MANEA: variants seen among roughly 807,000 people sequenced by gnomAD.
The protein encoded by MANEA is glycoprotein endo-alpha-1,2-mannosidase.
MANEA carries 25 observed loss-of-function variants against 36.8 expected under a neutral mutation model. The ratio of observed to expected loss-of-function variants is 0.68; its 90% confidence interval spans 0.50 to 0.95. MANEA has a LOEUF of 0.95. Among genes scored for constraint, MANEA ranks in the 40% least tolerant of loss-of-function variants. The pLI is 0.00. For synonymous variants in MANEA, 198 were observed against 188.5 expected, an observed-to-expected ratio of 1.05 and a Z score of -0.41; for missense variants, 565 against 558.8, an observed-to-expected ratio of 1.01 and a Z score of -0.11.
At chr6:95,598,785 A>G (rs2068017613) in intron 3 of MANEA, among the ~76,000 whole-genome samples, 6 of 152,158 alleles carry the variant, frequency 3.9e-5, no homozygotes, top group South Asian at 2.1e-4. Context: ...AAACTAAGAA[A>G]GGATAGAACA....
At chr6:95,602,469 A>AT (rs1052869074) in intron 3 of MANEA, among the ~76,000 whole-genome samples, 15 of 152,226 alleles carry the variant, frequency 9.9e-5, no homozygotes, top group African/African-American at 3.6e-4. Flanking sequence ...AAGTTATCAG[A>AT]TTTTCATTCA....
At position 95,587,981 on chromosome 6, in the gene MANEA, C is replaced by G. The variant is rs569725018; in HGVS notation, c.544+998C>G. On this transcript the variant is annotated intron_variant, in intron 2 of 4. Coordinates refer to ENST00000358812, the MANE Select transcript of MANEA (RefSeq NM_024641.4). ...TATAACTGTACCTTTTTACAATACG[C>G]CCCTTTAACTTAACTGATTCTTATT... 5.3e-5 allele frequency among the ~76,000 whole-genome samples: 8 copies of G among 151,844 alleles called. No individual in the cohort carries two copies. The South Asian group carries it at 1.7e-3, about 31-fold the overall frequency.
chr6:95,582,541 C>T (rs1769203377), intron 1 of MANEA, among the ~76,000 whole-genome samples: 1 of 152,180 alleles, frequency 6.6e-6, no homozygotes, highest in Non-Finnish European at 1.5e-5. Flanking sequence ...AGAAATTTCA[C>T]TTCACAGAGT....
intron 1 of MANEA, among the ~76,000 whole-genome samples, chr6:95,579,400 A>G (rs921607681): frequency 6.6e-6 from 1 of 152,110 alleles, no homozygotes; most frequent in African/African-American, 2.4e-5. Context: ...AACAAAAAAC[A>G]GAAACTAAAC....
intron 2 of MANEA, among the ~76,000 whole-genome samples, chr6:95,592,474 G>C (rs1769402220): frequency 6.6e-6 from 1 of 151,784 alleles, no homozygotes; most frequent in Non-Finnish European, 1.5e-5. Flanking sequence ...TCTGTACCTT[G>C]TAAAATTTTG....
At chr6:95,595,532 A>G (rs1286818321) in intron 2 of MANEA, among the ~76,000 whole-genome samples, 1 of 152,176 alleles carries the variant, frequency 6.6e-6, no homozygotes, top group Non-Finnish European at 1.5e-5. Context: ...CATGGCGGCT[A>G]GCACAAAACT....
chr6:95,590,835 A>T (rs1769374862), intron 2 of MANEA, among the ~76,000 whole-genome samples: 1 of 152,132 alleles, frequency 6.6e-6, no homozygotes, highest in Non-Finnish European at 1.5e-5. Context: ...TCCCTCCCAT[A>T]GTTTGCTATT....
At chr6:95,588,489 T>C (rs1769329161) in intron 2 of MANEA, among the ~76,000 whole-genome samples, 1 of 152,028 alleles carries the variant, frequency 6.6e-6, no homozygotes, top group Admixed American at 6.6e-5. Context: ...CTTGGGTCAG[T>C]TAAGACAGCA....
chr6:95,602,753 G>T (rs1013762901), intron 3 of MANEA, among the ~76,000 whole-genome samples: 29 of 151,932 alleles, frequency 1.9e-4, no homozygotes, highest in Non-Finnish European at 3.5e-4. Flanking sequence ...GGGCGCGGTG[G>T]CTCACGCCTG....
In MANEA at chr6:95,605,901, T is replaced by C. The variant is rs766827310; in HGVS notation, c.885T>C (p.Tyr295=). 2.5e-6 allele frequency: 4 copies of C among 1,614,102 alleles called. No homozygotes were observed. The highest frequency in any genetic ancestry group is 3.4e-6 in the Non-Finnish European group (4 of 1,179,980). ...CTCGGAGTATTCGCAATTCTCCTTA[T>C]GATGGACTGTTTATTGCCCTTCTGG... ...SGSRSIRNSP[Y]DGLFIALLVE... is the part of the protein sequence containing the mutation. Residue 295 remains tyrosine, a synonymous_variant, in exon 5 of 5, where the codon TAT becomes TAC. Transcript: ENST00000358812.
At chr6:95,603,483 T>A (rs1769638907) in intron 3 of MANEA, among the ~76,000 whole-genome samples, 1 of 152,124 alleles carries the variant, frequency 6.6e-6, no homozygotes, top group Non-Finnish European at 1.5e-5. Context: ...TGACCTTAGT[T>A]TTTTATGACA....
Position 95,605,819 on chromosome 6 carries a change from A to G in MANEA, c.803A>G (p.Tyr268Cys), listed in dbSNP as rs369867423. 6.3e-5 allele frequency: 102 copies of G among 1,613,700 alleles called. No individual in the cohort carries two copies. The highest frequency in any genetic ancestry group is 2.2e-4 in the East Asian group (10 of 44,844). The change falls in exon 5 of 5, where the codon TAT (tyrosine) becomes TGT (cysteine). Residue 268 changes from tyrosine (Y) to cysteine (C), a missense_variant. Tyr to Cys is a radical substitution (Grantham distance 194). Transcript: ENST00000358812. The stretch of plus-strand genomic sequence containing the variant: ...AATGCTCTTCCTATGTTTTATGTCT[A>G]TGATTCCTATATTACCAAGCCTGAA... ...TGNALPMFYV[Y>C]DSYITKPEKW...
chr6:95,584,564 G>C (rs186764749), intron 1 of MANEA, among the ~76,000 whole-genome samples: 105 of 152,244 alleles, frequency 6.9e-4, no homozygotes, highest in African/African-American at 2.3e-3. Flanking sequence ...CAAGACAGTA[G>C]GTGCACAGCT....
rs1184697233 is a variant in MANEA, at chr6:95,605,992, A to G, written c.976A>G (p.Thr326Ala). The G allele has an allele frequency of 6.2e-7, 1 of 1,613,956 alleles. No homozygotes were observed. Among genetic ancestry groups the G allele is most frequent in the African/African-American group, 1.3e-5 (1 of 74,924 alleles). ...GFDGIYTYFA[T>A]NGFTYGSSHQ... The stretch of plus-strand genomic sequence containing the variant: ...TGATGGAATTTACACATATTTTGCC[A>G]CAAATGGCTTTACTTATGGCTCATC... The change falls in exon 5 of 5, where the codon ACA (threonine) becomes GCA (alanine). Residue 326 changes from threonine (T) to alanine (A), a missense_variant. Physicochemically the swap from Thr to Ala is moderately conservative, Grantham distance 58. Transcript: ENST00000358812.
chr6:95,581,976 T>C (rs1280078580), intron 1 of MANEA, among the ~76,000 whole-genome samples: 1 of 152,018 alleles, frequency 6.6e-6, no homozygotes, highest in Non-Finnish European at 1.5e-5. Context: ...TATATTTCCT[T>C]CTATGTGTAT....
chr6:95,580,518 G>A (rs1294374950), intron 1 of MANEA, among the ~76,000 whole-genome samples: 1 of 152,044 alleles, frequency 6.6e-6, no homozygotes, highest in Non-Finnish European at 1.5e-5. Flanking sequence ...GAGGTCAGGA[G>A]ATCGAGACCA....
At chr6:95,602,618 C>A (rs1314208552) in intron 3 of MANEA, among the ~76,000 whole-genome samples, 1 of 152,086 alleles carries the variant, frequency 6.6e-6, no homozygotes, top group African/African-American at 2.4e-5. Context: ...AAAGACATTT[C>A]ATTTTATGTA....
chr6:95,595,413 A>G (rs905557316), intron 2 of MANEA, among the ~76,000 whole-genome samples: 8 of 151,988 alleles, frequency 5.3e-5, no homozygotes, highest in Admixed American at 3.9e-4. Context: ...TATTTTTTCT[A>G]TGTTTCGTTC....
At chr6:95,580,085 GA>G (rs1201477543) in intron 1 of MANEA, among the ~76,000 whole-genome samples, 6 of 151,998 alleles carry the variant, frequency 3.9e-5, no homozygotes, top group South Asian at 2.1e-4. Context: ...CGTTGAAGAT[GA>G]TTTTTTTTAT....
Sources: gnomAD v4.1 joint callset for allele counts (sites outside exome capture counted in the v4.1 genomes callset) on GRCh38, gnomAD v4.1.1 for gene constraint, MANE v1.5 for transcripts, NCBI Gene and HGNC (gene_info 2026-07-23, HGNC 2026-07-21) for gene names.